PIGK: variants seen among roughly 807,000 people sequenced by gnomAD.
PIGK encodes phosphatidylinositol glycan anchor biosynthesis class K.
A neutral mutation model predicts 50.6 loss-of-function variants in PIGK; 42 were observed. That is an observed-to-expected ratio of 0.83 (90% CI 0.65 to 1.07). The LOEUF is 1.07. Among genes scored for constraint, PIGK ranks in the 50% least tolerant of loss-of-function variants. The pLI is 0.00. For synonymous variants in PIGK, 151 were observed against 156.0 expected, an observed-to-expected ratio of 0.97 and a Z score of 0.24; for missense variants, 448 against 488.7, an observed-to-expected ratio of 0.92 and a Z score of 0.78.
Position 77,090,347 on chromosome 1 carries a change from T to G in PIGK, c.*2027A>C, listed in dbSNP as rs1275471146. The G allele has an allele frequency of 6.6e-6, 1 of 152,216 alleles. No individual in the cohort carries two copies. Among genetic ancestry groups the G allele is most frequent in the Non-Finnish European group, 1.5e-5 (1 of 68,028 alleles). 9.4% of individuals were successfully genotyped at this position (152,216 alleles called of 1,614,324 possible). ...GCAGAGTATGCTCTATGTAAAAAGA[T>G]TATGGTTATAAGTGAAACATTTAAC... On this transcript the variant is annotated 3_prime_UTR_variant, in exon 11 of 11. Transcript: ENST00000370812.
intron 10 of PIGK, among the ~76,000 whole-genome samples, chr1:77,099,005 A>C (rs1653483908): frequency 6.6e-6 from 1 of 152,136 alleles, no homozygotes; most frequent in African/African-American, 2.4e-5. Context: ...CATTTACTCT[A>C]ATTCCTAGGA....
intron 3 of PIGK, among the ~76,000 whole-genome samples, chr1:77,192,049 T>G (rs1655918938): frequency 6.6e-6 from 1 of 152,032 alleles, no homozygotes; most frequent in South Asian, 2.1e-4. Context: ...GCAGGAGGAC[T>G]GCTTGTGCCC....
chr1:77,146,584 T>G (rs575545760), intron 9 of PIGK, among the ~76,000 whole-genome samples: 1 of 152,082 alleles, frequency 6.6e-6, no homozygotes, highest in Non-Finnish European at 1.5e-5. Flanking sequence ...TTGCCTGAGC[T>G]CAGGAGTTCG....
intron 9 of PIGK, among the ~76,000 whole-genome samples, chr1:77,148,883 T>A (rs1162362636): frequency 2.6e-5 from 4 of 151,984 alleles, no homozygotes; most frequent in Non-Finnish European, 4.4e-5. Flanking sequence ...CTCAGCTAAT[T>A]TTTTTGTATT....
At chr1:77,204,304 T>C (rs1656240597) in intron 3 of PIGK, among the ~76,000 whole-genome samples, 1 of 152,130 alleles carries the variant, frequency 6.6e-6, no homozygotes, top group Non-Finnish European at 1.5e-5. Context: ...CTATTAGGAT[T>C]AGGAAATTCC....
intron 10 of PIGK, among the ~76,000 whole-genome samples, chr1:77,097,173 T>A (rs1009711203): frequency 6.6e-6 from 1 of 152,096 alleles, no homozygotes; most frequent in Non-Finnish European, 1.5e-5. Flanking sequence ...AAGAACAGCA[T>A]GACGGGCAGC....
At chr1:77,190,234 AC>A (rs1315663931) in intron 3 of PIGK, among the ~76,000 whole-genome samples, 1 of 151,874 alleles carries the variant, frequency 6.6e-6, no homozygotes, top group African/African-American at 2.4e-5. Flanking sequence ...CCAAAAAAAA[AC>A]AAAAAACAAA....
At chr1:77,138,268 A>G (rs1372847365) in intron 9 of PIGK, among the ~76,000 whole-genome samples, 4 of 152,236 alleles carry the variant, frequency 2.6e-5, no homozygotes, top group Admixed American at 2.0e-4. Flanking sequence ...TAAAAGGACC[A>G]TGCCCTTCCT....
At position 77,138,099 on chromosome 1, in the gene PIGK, G is replaced by A. The variant is rs565556916; in HGVS notation, c.987-15740C>T. Among the ~76,000 whole-genome samples, 49 of 152,196 alleles carry A rather than the reference G, an allele frequency of 3.2e-4. No homozygotes were observed. In the South Asian group the frequency reaches 0.01, roughly 32 times the overall value. Reference sequence around the variant, plus strand: ...TGTCCACTTTCCTGGAGAATAGGCAGGACTGTGAATAAGATAAACTTCACT... The same window carrying A: ...TGTCCACTTTCCTGGAGAATAGGCAAGACTGTGAATAAGATAAACTTCACT... On this transcript the variant is annotated intron_variant, in intron 9 of 10. Transcript: ENST00000370812.
chr1:77,183,166 G>A (rs562422203), intron 3 of PIGK, among the ~76,000 whole-genome samples: 1 of 152,222 alleles, frequency 6.6e-6, no homozygotes, highest in South Asian at 2.1e-4. Context: ...TAAACTGAGG[G>A]CATTGATTGG....
chr1:77,109,345 A>G (rs1416865107), intron 10 of PIGK, among the ~76,000 whole-genome samples: 2 of 152,222 alleles, frequency 1.3e-5, no homozygotes, highest in African/African-American at 4.8e-5. Context: ...ATTAACATCA[A>G]TGCAAAAATC....
intron 10 of PIGK, among the ~76,000 whole-genome samples, chr1:77,107,156 C>T (rs1435277314): frequency 5.3e-5 from 8 of 152,054 alleles, no homozygotes; most frequent in African/African-American, 9.7e-5. Flanking sequence ...ACTCTTGCTT[C>T]TCTAGTTCTT....
rs149645261 is a variant in PIGK at position 77,139,776 on chromosome 1, T to C, written c.986+14673A>G. ...AAAGATCTTTTTAAAATATAATTTATAGTGCATCTAGGTATCTTGTAACGG... is the reference window on the plus strand; with the variant it reads ...AAAGATCTTTTTAAAATATAATTTACAGTGCATCTAGGTATCTTGTAACGG... On this transcript the variant is annotated intron_variant, in intron 9 of 10. Coordinates refer to ENST00000370812, the MANE Select transcript of PIGK (RefSeq NM_005482.3). Among the ~76,000 whole-genome samples, 242 of 152,330 alleles carry C rather than the reference T, an allele frequency of 1.6e-3. 2 individuals are homozygous for C. The highest frequency in any genetic ancestry group is 5.4e-3 in the African/African-American group (224 of 41,570).
chr1:77,140,362 T>G lies in PIGK; in HGVS notation c.986+14087A>C, dbSNP rs529960515. Among the ~76,000 whole-genome samples the G allele has an allele frequency of 2.3e-4, 35 of 150,870 alleles. No individual in the cohort carries two copies. The South Asian group carries it at 4.9e-3, about 21-fold the overall frequency. On this transcript the variant is annotated intron_variant, in intron 9 of 10. Coordinates refer to ENST00000370812, the MANE Select transcript of PIGK (RefSeq NM_005482.3). ...ACCCCCCTGCCCCGCTCACTTACAC[T>G]TGCTCCGGTTCTCATTCCTATTCTC...
At chr1:77,191,543 T>A (rs1348319952) in intron 3 of PIGK, among the ~76,000 whole-genome samples, 1 of 152,210 alleles carries the variant, frequency 6.6e-6, no homozygotes, top group Non-Finnish European at 1.5e-5. Context: ...ACATTTTGCC[T>A]AAAAAATGTA....
intron 3 of PIGK, among the ~76,000 whole-genome samples, chr1:77,192,112 G>A (rs1655922167): frequency 6.6e-6 from 1 of 151,662 alleles, no homozygotes; most frequent in South Asian, 2.1e-4. Flanking sequence ...TCTAGCCTGG[G>A]ATACAGAGCA....
chr1:77,205,290 C>T (rs1161435314), intron 3 of PIGK, among the ~76,000 whole-genome samples: 1 of 151,570 alleles, frequency 6.6e-6, no homozygotes, highest in Non-Finnish European at 1.5e-5. Context: ...TGAGAAAAAC[C>T]AATTGACAAA....
At chr1:77,194,824 G>T in intron 3 of PIGK, 1 of 369,016 alleles carries the variant, frequency 2.7e-6, no homozygotes, top group South Asian at 2.2e-5. Context: ...AAGACTCAGT[G>T]ACCAGGTCAT....
chr1:77,203,190 G>T (rs1656210394), intron 3 of PIGK, among the ~76,000 whole-genome samples: 1 of 152,138 alleles, frequency 6.6e-6, no homozygotes, highest in African/African-American at 2.4e-5. Context: ...GTGCTATTTG[G>T]GAAACTTTCA....
Sources: allele counts gnomAD v4.1 joint callset (sites outside exome capture counted in the v4.1 genomes callset), GRCh38; gene constraint gnomAD v4.1.1; transcripts MANE v1.5; gene names NCBI Gene and HGNC (gene_info 2026-07-23, HGNC 2026-07-21).